Variants in TBX21 observed in about 807,000 individuals in gnomAD.
TBX21 encodes T-box transcription factor TBX21.
In TBX21, 11 loss-of-function variants were observed where a neutral mutation model predicts 52.2. The ratio of observed to expected loss-of-function variants is 0.21; its 90% confidence interval spans 0.13 to 0.35. TBX21 has a LOEUF of 0.35. Among genes scored for constraint, TBX21 ranks in the 10% least tolerant of loss-of-function variants. The pLI, the probability that TBX21 is intolerant of heterozygous loss-of-function variation, is 1.00. For missense variants in TBX21, 625 were observed against 755.1 expected (o/e 0.83, Z 2.02); for synonymous variants, 300 against 316.1 (o/e 0.95, Z 0.54).
At chr17:47,741,886 C>G (rs1042482016) in intron 1 of TBX21, among the ~76,000 whole-genome samples, 1 of 152,124 alleles carries the variant, frequency 6.6e-6, no homozygotes, top group Non-Finnish European at 1.5e-5. Flanking sequence ...GGTGTAAATA[C>G]TCCTGCTATG....
At chr17:47,734,148 G>A (rs750940889) in intron 1 of TBX21, among the ~76,000 whole-genome samples, 1 of 152,166 alleles carries the variant, frequency 6.6e-6, no homozygotes, top group Non-Finnish European at 1.5e-5. Context: ...TGCACCAACA[G>A]CCAGAGGACT....
In TBX21 at chr17:47,743,073, A is replaced by G. The variant is rs768130869; in HGVS notation, c.649A>G (p.Asn217Asp). 6.2e-7 allele frequency: 1 copy of G among 1,614,056 alleles called. No homozygotes were observed. The highest frequency in any genetic ancestry group is 8.5e-7 in the Non-Finnish European group (1 of 1,179,970). ...TCAAAGAGGTGAACTGTCCACAGGA[A>G]ACCGCCTGTACGTCCACCCGGACTC... The part of the protein sequence containing the change: ...CGKAEGSMPG[N>D]RLYVHPDSPN... Residue 217 changes from asparagine to aspartate, a missense_variant and splice_region_variant, in exon 3 of 6, where the codon AAC (asparagine) becomes GAC (aspartate). Asn to Asp is a conservative substitution (Grantham distance 23). Transcript: ENST00000177694.
chr17:47,743,125 G>T lies in TBX21; in HGVS notation c.701G>T (p.Arg234Leu). ...CCCAACACAGGAGCGCACTGGATGC[G>T]CCAGGAAGTTTCATTTGGGAAACTA... ...DSPNTGAHWM[R>L]QEVSFGKLKL... The change falls in exon 3 of 6, where the codon CGC becomes CTC. Residue 234 changes from arginine (R) to leucine (L), a missense_variant. By Grantham distance (102) the Arg-to-Leu change is moderately radical. Around this residue, in one of 4 missense-constraint regions of TBX21, gnomAD observed 142 missense variants for 258.5 expected, o/e 0.55. Transcript: ENST00000177694. 2 of 1,614,178 alleles carry T rather than the reference G, an allele frequency of 1.2e-6. No individual in the cohort carries two copies. The highest frequency in any genetic ancestry group is 1.7e-6 in the Non-Finnish European group (2 of 1,180,034).
chr17:47,733,750 CCGAGGGCTACCAGCCGGG>C lies in TBX21; in HGVS notation c.307_324del (p.Gln103_Tyr108del), dbSNP rs1234086042. 4.8e-6 allele frequency: 7 copies of C among 1,461,708 alleles called. No homozygotes were observed. The highest frequency in any genetic ancestry group is 5.4e-6 in the Non-Finnish European group (6 of 1,111,602). 90.5% of individuals were successfully genotyped at this position (1,461,708 alleles called of 1,614,324 possible). A position where few individuals can be genotyped will look rare whatever the true frequency, so the allele number is the denominator to read the frequency against. On this transcript the variant is annotated inframe_deletion, in exon 1 of 6. Coordinates refer to ENST00000177694, the MANE Select transcript of TBX21 (RefSeq NM_013351.2). The surrounding 1 kb of genome is among the most constrained non-coding windows in gnomAD (Gnocchi z 6.6). ...GAGTCCTTCCCGCCGCCCGCGGACG[CCGAGGGCTACCAGCCGGG>C]CGAGGGCTACGCCGCCCCGGACCCG... is the stretch of plus-strand genomic sequence containing the variant.
In TBX21 at chr17:47,733,309, C is replaced by A. The variant is rs947846651; in HGVS notation, c.-146C>A. 19 of 1,133,502 alleles carry A rather than the reference C, an allele frequency of 1.7e-5. No individual in the cohort carries two copies. The African/African-American group carries it at 2.6e-4, about 16-fold the overall frequency. The allele number at this position is 1,133,502 out of a possible 1,614,324, so 70.2% of individuals were successfully genotyped here. A position where few individuals can be genotyped will look rare whatever the true frequency, so the allele number is the denominator to read the frequency against. On this transcript the variant is annotated 5_prime_UTR_variant, in exon 1 of 6. Coordinates refer to ENST00000177694, the MANE Select transcript of TBX21 (RefSeq NM_013351.2). The surrounding 1 kb of genome is among the most constrained non-coding windows in gnomAD (Gnocchi z 6.6). ...GCCGGACGAGGGCGTAGAAGCCAGG[C>A]GTCAGAGCCCGGGCTCCGGTGGGGT...
chr17:47,745,353 A>G lies in TBX21; in HGVS notation c.1595A>G (p.Tyr532Cys), dbSNP rs1198025140. ...DKEAEGQFYN[Y>C]FPN ...GAAGCTGAAGGACAGTTTTATAACT[A>G]TTTTCCCAACTGAGCAGATGACATG... is the stretch of plus-strand genomic sequence containing the variant. The change falls in exon 6 of 6, where the codon TAT (tyrosine) becomes TGT (cysteine). Residue 532 changes from tyrosine to cysteine, a missense_variant. Physicochemically the swap from Tyr to Cys is radical, Grantham distance 194. Transcript: ENST00000177694. 6.9e-6 allele frequency: 11 copies of G among 1,601,074 alleles called. No homozygotes were observed. The highest frequency in any genetic ancestry group is 2.2e-5 in the East Asian group (1 of 44,802).
At position 47,736,804 on chromosome 17, in the gene TBX21, C is replaced by T. The variant is rs151321124; in HGVS notation, c.491+2859C>T. 5.8e-3 allele frequency among the ~76,000 whole-genome samples: 881 copies of T among 152,254 alleles called. 9 individuals are homozygous for T. Among genetic ancestry groups the T allele is most frequent in the African/African-American group, 0.02 (829 of 41,536 alleles). On this transcript the variant is annotated intron_variant, in intron 1 of 5. Transcript: ENST00000177694. ...GCTTTTGTGGGCTGGCCTATCCCTC[C>T]GTGGGTTCCAGTGACCCACCAGTCA...
chr17:47,738,134 G>T (rs2032227567), intron 1 of TBX21, among the ~76,000 whole-genome samples: 1 of 151,900 alleles, frequency 6.6e-6, no homozygotes, highest in South Asian at 2.1e-4. Flanking sequence ...CATTTGTCTT[G>T]GGGCAAGTGA....
Position 47,733,381 on chromosome 17 carries a change from C to T in TBX21, c.-74C>T. 7.2e-7 allele frequency: 1 copy of T among 1,395,930 alleles called. No individual in the cohort carries two copies. The highest frequency in any genetic ancestry group is 3.5e-5 in the Admixed American group (1 of 28,422). 86.5% of individuals were successfully genotyped at this position (1,395,930 alleles called of 1,614,324 possible). A position where few individuals can be genotyped will look rare whatever the true frequency, so the allele number is the denominator to read the frequency against. ...CCCCGCCCCCTGCTCCCTGCCCATC[C>T]CAGCCCACGCGACCCTCTCGCGCGC... On this transcript the variant is annotated 5_prime_UTR_variant, in exon 1 of 6. Coordinates refer to ENST00000177694, the MANE Select transcript of TBX21 (RefSeq NM_013351.2). This position sits in a 1 kb window ranked among gnomAD's most constrained non-coding sequence, Gnocchi z 6.6.
Position 47,733,631 on chromosome 17 carries a change from G to A in TBX21, c.177G>A (p.Pro59=). The A allele has an allele frequency of 6.9e-7, 1 of 1,448,766 alleles. No individual in the cohort carries two copies. The allele number at this position is 1,448,766 out of a possible 1,614,324, so 89.7% of individuals were successfully genotyped here. A position where few individuals can be genotyped will look rare whatever the true frequency, so the allele number is the denominator to read the frequency against. ...GCGGCAGCCTGGGGTCTCCCTACCC[G>A]GGGGGCGCCTTGGTGCCCGCCCCGC... ...RGGGSLGSPY[P]GGALVPAPPS... Residue 59 remains proline, a synonymous_variant, in exon 1 of 6, where the codon CCG becomes CCA. Transcript: ENST00000177694. The surrounding 1 kb of genome is among the most constrained non-coding windows in gnomAD (Gnocchi z 6.6).
chr17:47,736,897 C>T (rs140639286), intron 1 of TBX21, among the ~76,000 whole-genome samples: 96 of 152,300 alleles, frequency 6.3e-4, no homozygotes, highest in African/African-American at 2.3e-3. Flanking sequence ...CTACAGCCTA[C>T]AGCCCCACGG....
intron 1 of TBX21, 100 bp downstream of exon 1, chr17:47,734,045 C>T: frequency 6.3e-7 from 1 of 1,577,918 alleles, no homozygotes; most frequent in Non-Finnish European, 8.6e-7. Context: ...ACTCCGTGTC[C>T]CTCACTGCTT....
rs1371015264 is a variant in TBX21, at chr17:47,745,745, TC to T, written c.*381del. On this transcript the variant is annotated 3_prime_UTR_variant, in exon 6 of 6. Transcript: ENST00000177694. Reference sequence around the variant, plus strand: ...ATGGGAGCAGGAGACTCCACTTTCTTCCTTTGTACAGTAACTTTCAACCTTT... The same window carrying T: ...ATGGGAGCAGGAGACTCCACTTTCTTCTTTGTACAGTAACTTTCAACCTTT... 5.3e-6 allele frequency: 1 copy of T among 188,648 alleles called. No individual in the cohort carries two copies. Among genetic ancestry groups the T allele is most frequent in the African/African-American group, 2.4e-5 (1 of 42,430 alleles). The allele number at this position is 188,648 out of a possible 1,614,324, so 11.7% of individuals were successfully genotyped here. A position where few individuals can be genotyped will look rare whatever the true frequency, so the allele number is the denominator to read the frequency against.
In TBX21 at chr17:47,733,676, C is replaced by A; in HGVS notation, c.222C>A (p.Ala74=). Residue 74 remains alanine, a synonymous_variant, in exon 1 of 6, where the codon GCC becomes GCA. Transcript: ENST00000177694. This position sits in a 1 kb window ranked among gnomAD's most constrained non-coding sequence, Gnocchi z 6.6. The stretch of plus-strand genomic sequence containing the variant: ...CCCCGCCGAGCCGCTTCCTTGGAGC[C>A]TACGCCTACCCGCCGCGACCCCAGG... The part of the protein sequence containing the change: ...VPAPPSRFLG[A]YAYPPRPQAA... 6.9e-7 allele frequency: 1 copy of A among 1,443,388 alleles called. No homozygotes were observed. Among genetic ancestry groups the A allele is most frequent in the Non-Finnish European group, 9.1e-7 (1 of 1,099,208 alleles). The allele number at this position is 1,443,388 out of a possible 1,614,324, so 89.4% of individuals were successfully genotyped here.
intron 1 of TBX21, among the ~76,000 whole-genome samples, chr17:47,739,651 C>T (rs930103805): frequency 6.6e-6 from 1 of 151,514 alleles, no homozygotes; most frequent in Non-Finnish European, 1.5e-5. Flanking sequence ...CCCAGCTACT[C>T]GGGAGGCTGA....
intron 5 of TBX21, 78 bp downstream of exon 5, chr17:47,744,621 G>A: frequency 6.2e-7 from 1 of 1,607,280 alleles, no homozygotes; most frequent in Non-Finnish European, 8.5e-7. Flanking sequence ...ACAGGAGGGT[G>A]GGGGACAGAT....
At chr17:47,738,631 C>A (rs572852110) in intron 1 of TBX21, among the ~76,000 whole-genome samples, 11 of 151,032 alleles carry the variant, frequency 7.3e-5, no homozygotes, top group African/African-American at 2.7e-4. Context: ...GACAAAGTCT[C>A]GTTCTGTTGC....
At position 47,742,611 on chromosome 17, in the gene TBX21, C is replaced by G. The variant is rs764633414; in HGVS notation, c.493C>G (p.Arg165Gly). ...TEMIITKQGR[R>G]MFPFLSFTVA... The stretch of plus-strand genomic sequence containing the variant: ...GGGGGCTTTCTCTCTTCTCTCCAGG[C>G]GGATGTTCCCATTCCTGTCATTTAC... Residue 165 changes from arginine to glycine, a missense_variant and splice_region_variant, in exon 2 of 6, where the codon CGG becomes GGG. This residue lies in a region of TBX21 where 142 missense variants were observed against 258.5 expected (regional missense o/e 0.55). Transcript: ENST00000177694. This position sits in a 1 kb window ranked among gnomAD's most constrained non-coding sequence, Gnocchi z 4.4. 1 of 1,599,450 alleles carries G rather than the reference C, an allele frequency of 6.3e-7. No individual in the cohort carries two copies. The highest frequency in any genetic ancestry group is 1.1e-5 in the South Asian group (1 of 88,616).
rs1035630854 is a variant in TBX21, at chr17:47,733,543, A to C, written c.89A>C (p.Asp30Ala). The C allele has an allele frequency of 4.0e-6, 6 of 1,489,496 alleles. No homozygotes were observed. The African/African-American group carries it at 8.8e-5, about 22-fold the overall frequency. 92.3% of individuals were successfully genotyped at this position (1,489,496 alleles called of 1,614,324 possible). The change falls in exon 1 of 6, where the codon GAC becomes GCC. Residue 30 changes from aspartate (D) to alanine (A), a missense_variant. By Grantham distance (126) the Asp-to-Ala change is moderately radical. Transcript: ENST00000177694. The surrounding 1 kb of genome is among the most constrained non-coding windows in gnomAD (Gnocchi z 6.6). ...GACGAGGGCCGGGCGCCTGGCGCCG[A>C]CCCGCAGCACCGCTACTTCTACCCG... is the stretch of plus-strand genomic sequence containing the variant. ...GSDEGRAPGA[D>A]PQHRYFYPEP...
Sources: gnomAD v4.1 joint callset for allele counts (sites outside exome capture counted in the v4.1 genomes callset) on GRCh38, gnomAD v4.1.1 for gene constraint, gnomAD v4.1.1 regional missense constraint, Gnocchi (gnomAD v3.1) non-coding constraint, MANE v1.5 for transcripts, NCBI Gene and HGNC (gene_info 2026-07-23, HGNC 2026-07-21) for gene names.